ANAPC7: variants seen among roughly 807,000 people sequenced by gnomAD.
ANAPC7 encodes the protein anaphase promoting complex subunit 7, also known as anaphase-promoting complex subunit 7.
In ANAPC7, 25 loss-of-function variants were observed where a neutral mutation model predicts 63.3. The observed-to-expected ratio is 0.39, with a 90% CI of 0.29 to 0.55. The LOEUF is 0.55. ANAPC7 is among the 20% of genes least tolerant of loss of function. The probability of loss-of-function intolerance (pLI) is 0.57; values close to 1 mark genes in which losing one functional copy is unlikely to be tolerated. For missense variants in ANAPC7, 516 were observed against 691.7 expected, an observed-to-expected ratio of 0.75 and a Z score of 2.85; for synonymous variants, 241 against 251.7, an observed-to-expected ratio of 0.96 and a Z score of 0.40.
Position 110,381,952 on chromosome 12 carries a change from GAGA to G in ANAPC7, c.936-7_936-5del. Reference sequence around the variant, plus strand: ...TTTGCTATAGAAGCTGTGACAGCTGGAGAAAAAAAAAAAAAAAAAAACACAAAA... The same window carrying G: ...TTTGCTATAGAAGCTGTGACAGCTGGAAAAAAAAAAAAAAAAAACACAAAA... On this transcript the variant is annotated splice_polypyrimidine_tract_variant and splice_region_variant and intron_variant, in intron 7 of 10. Coordinates refer to ENST00000455511, the MANE Select transcript of ANAPC7 (RefSeq NM_016238.3). 3.3e-5 allele frequency: 18 copies of G among 552,816 alleles called. No individual in the cohort carries two copies. The highest frequency in any genetic ancestry group is 5.7e-5 in the Admixed American group (1 of 17,548). The allele number at this position is 552,816 out of a possible 1,614,324, so 34.2% of individuals were successfully genotyped here.
chr12:110,386,213 T>G, intron 6 of ANAPC7, 114 bp downstream of exon 6: 1 of 1,480,170 alleles, frequency 6.8e-7, no homozygotes. Context: ...AGTATAAGTT[T>G]TATACACCAT....
intron 1 of ANAPC7, 49 bp from the exon 2 acceptor site, chr12:110,396,501 A>C: frequency 7.1e-7 from 1 of 1,413,610 alleles, no homozygotes; most frequent in Non-Finnish European, 9.5e-7. Flanking sequence ...CTTTCAATCC[A>C]AGCTCCCCCA....
intron 3 of ANAPC7, among the ~76,000 whole-genome samples, chr12:110,392,643 G>C (rs972597624): frequency 4.6e-5 from 7 of 151,912 alleles, no homozygotes; most frequent in Non-Finnish European, 1.0e-4. Flanking sequence ...GAATTTATTT[G>C]GTATTTATAA....
Position 110,375,019 on chromosome 12 carries a change from C to T in ANAPC7, c.1509-686G>A, listed in dbSNP as rs988637240. Among the ~76,000 whole-genome samples the T allele has an allele frequency of 3.3e-5, 5 of 152,286 alleles. No individual in the cohort carries two copies. In the East Asian group the frequency reaches 5.8e-4, roughly 18 times the overall value. ...GACCATCACCCAAGCCAGCAGGCGT[C>T]CCACGCCTAGCAAACCCCACCTCTA... On this transcript the variant is annotated intron_variant, in intron 10 of 10. Transcript: ENST00000455511.
intron 6 of ANAPC7, among the ~76,000 whole-genome samples, chr12:110,383,805 G>A (rs1346887374): frequency 2.0e-5 from 3 of 149,250 alleles, no homozygotes; most frequent in African/African-American, 7.5e-5. Context: ...GAATCAGGGA[G>A]GCGGAGGTTG....
intron 1 of ANAPC7, among the ~76,000 whole-genome samples, chr12:110,399,688 G>A (rs2062197786): frequency 1.3e-5 from 2 of 151,764 alleles, no homozygotes; most frequent in African/African-American, 4.8e-5. Context: ...CTACTTAGAG[G>A]CTGAGGCAGG....
rs137996217 is a variant in ANAPC7, at chr12:110,382,441, TAAAAAAAA to T, written c.935+394_935+401del. 2.4e-3 allele frequency among the ~76,000 whole-genome samples: 128 copies of T among 53,038 alleles called. 3 individuals carry two copies. Among genetic ancestry groups the T allele is most frequent in the African/African-American group, 4.6e-3 (59 of 12,954 alleles). The allele number at this position is 53,038 out of a possible 152,430, so 34.8% of individuals were successfully genotyped here. On this transcript the variant is annotated intron_variant, in intron 7 of 10. Transcript: ENST00000455511. ...TTGAATCCAGGGCTGATTATCCTTT[TAAAAAAAA>T]AAAAAAAAAAAAATATATATATATA...
At position 110,384,695 on chromosome 12, in the gene ANAPC7, A is replaced by C. The variant is rs533969688; in HGVS notation, c.817+1632T>G. Among the ~76,000 whole-genome samples the C allele has an allele frequency of 3.3e-3, 494 of 151,532 alleles. 2 individuals are homozygous for C. Among genetic ancestry groups the C allele is most frequent in the African/African-American group, 0.01 (423 of 41,306 alleles). ...TCTCACAAAAAAAAAACAAAAAAAA[A>C]CAAAAAAAACAAAAAACCAAAGGAG... On this transcript the variant is annotated intron_variant, in intron 6 of 10. Coordinates refer to ENST00000455511, the MANE Select transcript of ANAPC7 (RefSeq NM_016238.3).
intron 1 of ANAPC7, 90 bp from the exon 2 acceptor site, chr12:110,396,542 ACT>A: frequency 9.5e-7 from 1 of 1,050,176 alleles, no homozygotes; most frequent in South Asian, 1.7e-5. Context: ...ATAGATTCTC[ACT>A]CTGTCACCCA....
intron 8 of ANAPC7, 42 bp downstream of exon 8, chr12:110,381,710 C>A: frequency 6.3e-7 from 1 of 1,589,932 alleles, no homozygotes; most frequent in Non-Finnish European, 8.6e-7. Flanking sequence ...GCTGCTGCCA[C>A]ACCCACGGAT....
rs750689017 is a variant in ANAPC7, at chr12:110,373,457, A to C, written c.*687T>G. On this transcript the variant is annotated 3_prime_UTR_variant, in exon 11 of 11. Transcript: ENST00000455511. The stretch of plus-strand genomic sequence containing the variant: ...AGAGTCTATTTTGAAAAGGGCTTCC[A>C]TTCTGATCACCCCAACACCATGACT... The C allele has an allele frequency of 6.6e-5, 10 of 152,326 alleles. No individual in the cohort carries two copies. Among genetic ancestry groups the C allele is most frequent in the Non-Finnish European group, 1.3e-4 (9 of 68,024 alleles). 9.4% of individuals were successfully genotyped at this position (152,326 alleles called of 1,614,324 possible). A position where few individuals can be genotyped will look rare whatever the true frequency, so the allele number is the denominator to read the frequency against.
intron 1 of ANAPC7, among the ~76,000 whole-genome samples, chr12:110,402,079 G>C (rs978892187): frequency 6.6e-6 from 1 of 152,086 alleles, no homozygotes; most frequent in African/African-American, 2.4e-5. Flanking sequence ...GTTGGCTGAG[G>C]CAGGAGGATC....
chr12:110,392,335 C>A (rs1883171360), intron 3 of ANAPC7, among the ~76,000 whole-genome samples: 1 of 152,000 alleles, frequency 6.6e-6, no homozygotes, highest in African/African-American at 2.4e-5. Context: ...TTCAAAAACT[C>A]AGAAAATAGT....
rs907416476 is a variant in ANAPC7, at chr12:110,387,652, C to T, written c.674+87G>A. ...CTGCAGCACCAACAGCAAAGCATCT[C>T]ATTTTTCTTTTTGCTACTTCAGATA... is the stretch of plus-strand genomic sequence containing the variant. On this transcript the variant is annotated intron_variant, in intron 5 of 10. Transcript: ENST00000455511. The T allele has an allele frequency of 1.8e-4, 271 of 1,474,548 alleles. 1 individual carries two copies. The highest frequency in any genetic ancestry group is 2.4e-4 in the Middle Eastern group (1 of 4,228). The allele number at this position is 1,474,548 out of a possible 1,614,324, so 91.3% of individuals were successfully genotyped here.
At chr12:110,388,975 G>C (rs879534993) in intron 3 of ANAPC7, among the ~76,000 whole-genome samples, 1 of 151,530 alleles carries the variant, frequency 6.6e-6, no homozygotes, top group Non-Finnish European at 1.5e-5. Flanking sequence ...CCAGCTACTC[G>C]GGAGGCTGAG....
intron 9 of ANAPC7, among the ~76,000 whole-genome samples, chr12:110,376,769 T>C (rs1881324243): frequency 6.8e-6 from 1 of 147,518 alleles, no homozygotes; most frequent in South Asian, 2.1e-4. Flanking sequence ...CCACTCAAAA[T>C]GGCTAAAATC....
At chr12:110,382,396 C>A (rs1271298845) in intron 7 of ANAPC7, among the ~76,000 whole-genome samples, 3 of 134,860 alleles carry the variant, frequency 2.2e-5, no homozygotes, top group Non-Finnish European at 3.1e-5. Flanking sequence ...AATAATGCAT[C>A]CAGAGTCATA....
chr12:110,386,791 A>G (rs1396288951), intron 5 of ANAPC7: 2 of 208,062 alleles, frequency 9.6e-6, no homozygotes, highest in Admixed American at 5.7e-5. Context: ...ACGACTTTGC[A>G]TAACACAAGC....
chr12:110,395,260 A>G (rs1269367334), intron 2 of ANAPC7, 40 bp from the exon 3 acceptor site: 1 of 1,586,534 alleles, frequency 6.3e-7, no homozygotes, highest in East Asian at 2.2e-5. Context: ...ACGTTATTCC[A>G]ACAATATGAC....
Sources: gnomAD v4.1 joint callset for allele counts (sites outside exome capture counted in the v4.1 genomes callset) on GRCh38, gnomAD v4.1.1 for gene constraint, MANE v1.5 for transcripts, NCBI Gene and HGNC (gene_info 2026-07-23, HGNC 2026-07-21) for gene names.